The following UNC79 variants were observed in gnomAD, a reference collection of about 807,000 sequenced individuals.
The protein encoded by UNC79 is protein unc-79 homolog.
A neutral mutation model predicts 283.1 loss-of-function variants in UNC79; 37 were observed. That is an observed-to-expected ratio of 0.13 (90% CI 0.10 to 0.17). The LOEUF is 0.17. Among genes scored for constraint, UNC79 ranks in the 10% least tolerant of loss-of-function variants. The probability of loss-of-function intolerance (pLI) is 1.00; values close to 1 mark genes in which losing one functional copy is unlikely to be tolerated. For missense variants in UNC79, 2,272 were observed against 3,211.1 expected, an observed-to-expected ratio of 0.71 and a Z score of 7.07; for synonymous variants, 1,107 against 1,200.2, an observed-to-expected ratio of 0.92 and a Z score of 1.61.
intron 16 of UNC79, among the ~76,000 whole-genome samples, 166 bp downstream of exon 16, chr14:93,572,982 A>T (rs1022568451): frequency 6.6e-6 from 1 of 152,248 alleles, no homozygotes; most frequent in Non-Finnish European, 1.5e-5. Flanking sequence ...TTTCAAATAT[A>T]TGTTGCTCTA....
At chr14:93,449,700 T>TTCTC (rs1445720794) in intron 1 of UNC79, among the ~76,000 whole-genome samples, 1 of 152,216 alleles carries the variant, frequency 6.6e-6, no homozygotes, top group Non-Finnish European at 1.5e-5. Context: ...TATTGTGTTT[T>TTCTC]TCTCATGCGA....
chr14:93,563,987 G>A (rs893806326), intron 14 of UNC79, among the ~76,000 whole-genome samples: 1 of 152,052 alleles, frequency 6.6e-6, no homozygotes. Context: ...GAGGGCCTCT[G>A]AAAGTATTAG....
In UNC79 at chr14:93,538,713, G is replaced by C. The variant is rs529662692; in HGVS notation, c.1352+495G>C. Among the ~76,000 whole-genome samples the C allele has an allele frequency of 1.4e-4, 21 of 150,656 alleles. No individual in the cohort carries two copies. The South Asian group carries it at 1.5e-3, about 11-fold the overall frequency. ...GCGGGACAACTCCAAGTAATTCCAT[G>C]CTGGGATAAACCACGACCCTGTGTA... On this transcript the variant is annotated intron_variant, in intron 12 of 48. Coordinates refer to ENST00000555664, the Ensembl canonical transcript of UNC79.
intron 10 of UNC79, among the ~76,000 whole-genome samples, chr14:93,530,848 G>A (rs757126831): frequency 2.0e-5 from 3 of 152,132 alleles, no homozygotes; most frequent in Non-Finnish European, 4.4e-5. Flanking sequence ...GGCGGAGCTG[G>A]CAGTGAGCCG....
intron 18 of UNC79, among the ~76,000 whole-genome samples, chr14:93,578,528 A>C (rs759076266): frequency 3.1e-4 from 47 of 152,204 alleles, no homozygotes; most frequent in South Asian, 2.1e-4. Context: ...CAAGAATACT[A>C]TAAAGAATTC....
chr14:93,611,888 T>C (rs2066335074), intron 26 of UNC79, among the ~76,000 whole-genome samples: 1 of 151,198 alleles, frequency 6.6e-6, no homozygotes, highest in South Asian at 2.1e-4. Context: ...CCCCAAACCA[T>C]AAATATAGAA....
At chr14:93,587,786 G>T (rs140467925) in intron 22 of UNC79, among the ~76,000 whole-genome samples, 1 of 152,182 alleles carries the variant, frequency 6.6e-6, no homozygotes, top group Admixed American at 6.5e-5. Context: ...AAGATTCATG[G>T]TCATGTATAT....
chr14:93,682,820 G>A (rs2073949432), intron 42 of UNC79, 126 bp downstream of exon 45: 8 of 803,558 alleles, frequency 1.0e-5, no homozygotes, highest in East Asian at 2.7e-5. Context: ...CTTTTGGAAC[G>A]TATTTTAACC....
intron 40 of UNC79, among the ~76,000 whole-genome samples, chr14:93,671,012 G>T (rs2140604904): frequency 6.6e-6 from 1 of 152,294 alleles, no homozygotes; most frequent in African/African-American, 2.4e-5. Context: ...CAATAGAAAA[G>T]TCTTACAAAA....
intron 20 of UNC79, among the ~76,000 whole-genome samples, chr14:93,583,687 C>T (rs1315406973): frequency 6.6e-6 from 1 of 152,088 alleles, no homozygotes; most frequent in Non-Finnish European, 1.5e-5. Flanking sequence ...TCTTTTGGAA[C>T]ATCCTCAATT....
intron 24 of UNC79, among the ~76,000 whole-genome samples, chr14:93,598,405 T>TGTGTGG (rs2065245182): frequency 2.2e-5 from 2 of 92,294 alleles, no homozygotes; most frequent in South Asian, 6.4e-4. Context: ...TGTGTGTGTG[T>TGTGTGG]GTGTGGCAGA....
At chr14:93,585,166 G>A (rs953432893) in intron 20 of UNC79, among the ~76,000 whole-genome samples, 1 of 152,172 alleles carries the variant, frequency 6.6e-6, no homozygotes, top group Non-Finnish European at 1.5e-5. Flanking sequence ...GTTATAAATT[G>A]TCTCTGCAGG....
At chr14:93,375,464 A>G (rs2054536096) in intron 1 of UNC79, among the ~76,000 whole-genome samples, 1 of 152,214 alleles carries the variant, frequency 6.6e-6, no homozygotes, top group African/African-American at 2.4e-5. Context: ...TAGTAGATTA[A>G]TGGGTTAATG....
chr14:93,633,713 A>C (rs2068242726), intron 31 of UNC79, among the ~76,000 whole-genome samples: 1 of 152,212 alleles, frequency 6.6e-6, no homozygotes, highest in South Asian at 2.1e-4. Flanking sequence ...CCAACTCAGC[A>C]ATCTACTGGC....
chr14:93,369,928 A>G, intron 1 of UNC79, among the ~76,000 whole-genome samples: 1 of 152,206 alleles, frequency 6.6e-6, no homozygotes. Flanking sequence ...GAGAAGGGAA[A>G]TAACCCAATT....
intron 1 of UNC79, among the ~76,000 whole-genome samples, chr14:93,435,770 C>T (rs1402083354): frequency 1.3e-5 from 2 of 152,186 alleles, no homozygotes. Context: ...GATTCTAGCT[C>T]GTCAACAATC....
At chr14:93,702,277 G>T (rs1334237990) in intron 47 of UNC79, among the ~76,000 whole-genome samples, 1 of 144,400 alleles carries the variant, frequency 6.9e-6, no homozygotes, top group Non-Finnish European at 1.6e-5. Context: ...TTGGGGGACA[G>T]GGGGAGGCAT....
chr14:93,347,226 C>A, intron 1 of UNC79: 2 of 1,559,824 alleles, frequency 1.3e-6, no homozygotes, highest in South Asian at 1.2e-5. Context: ...GGCCTCACCT[C>A]ACCTGTGCTG....
chr14:93,651,452 A>T (rs1018254666), intron 35 of UNC79, among the ~76,000 whole-genome samples: 1 of 152,134 alleles, frequency 6.6e-6, no homozygotes, highest in Non-Finnish European at 1.5e-5. Context: ...TCTCTCAGCA[A>T]TGTTTTTTAG....
Sources: gnomAD v4.1 joint callset for allele counts (sites outside exome capture counted in the v4.1 genomes callset) on GRCh38, gnomAD v4.1.1 for gene constraint, MANE v1.5 for transcripts, NCBI Gene and HGNC (gene_info 2026-07-23, HGNC 2026-07-21) for gene names.